Variants in QTMAN observed in about 807,000 individuals in gnomAD.
The protein encoded by QTMAN is queuosine-tRNA mannosyltransferase, also known as tRNA-queuosine alpha-mannosyltransferase.
chr2:144,313,123 G>GAA, the QTMAN span, among the ~76,000 whole-genome samples: 1 of 151,558 alleles, frequency 6.6e-6, no homozygotes, highest in Non-Finnish European at 1.5e-5. Flanking sequence ...TCCTGGGCTG[G>GAA]AAAAAAAAGG....
the QTMAN span, chr2:144,211,412 T>C: frequency 6.6e-6 from 1 of 152,634 alleles, no homozygotes; most frequent in South Asian, 2.1e-4. Context: ...AAAATAACTA[T>C]GTCCTACCAT....
chr2:144,288,850 C>G, the QTMAN span, among the ~76,000 whole-genome samples: 2 of 152,092 alleles, frequency 1.3e-5, no homozygotes, highest in Non-Finnish European at 2.9e-5. Context: ...TACTACACCC[C>G]AAGCCCCTGG....
the QTMAN span, chr2:143,943,857 A>G: frequency 6.6e-6 from 1 of 152,228 alleles, no homozygotes; most frequent in Admixed American, 6.5e-5. Context: ...TATAAATGAG[A>G]AGGTTAAGAA....
chr2:143,963,954 C>T, the QTMAN span: 1 of 152,064 alleles, frequency 6.6e-6, no homozygotes, highest in Non-Finnish European at 1.5e-5. Flanking sequence ...GCTCTGTCTA[C>T]TGAGAATCGA....
chr2:143,966,791 ACAAT>A, the QTMAN span, among the ~76,000 whole-genome samples: 1 of 152,258 alleles, frequency 6.6e-6, no homozygotes, highest in Non-Finnish European at 1.5e-5. Flanking sequence ...TTGCTTGAAA[ACAAT>A]CAACAGTATA....
chr2:144,300,724 CA>C, the QTMAN span, among the ~76,000 whole-genome samples: 1 of 151,988 alleles, frequency 6.6e-6, no homozygotes, highest in East Asian at 1.9e-4. Context: ...ATATGCCAAA[CA>C]CATGCAAGTC....
the QTMAN span, among the ~76,000 whole-genome samples, chr2:144,250,835 T>A: frequency 6.6e-6 from 1 of 151,910 alleles, no homozygotes; most frequent in Non-Finnish European, 1.5e-5. Flanking sequence ...CAAATGTGCT[T>A]ATTAGACACT....
chr2:143,973,614 C>T, the QTMAN span, among the ~76,000 whole-genome samples: 1 of 151,906 alleles, frequency 6.6e-6, no homozygotes. Flanking sequence ...CACGGTGAAA[C>T]CCCGTCTCTA....
At chr2:144,145,718 C>T in the QTMAN span, 1 of 1,610,088 alleles carries the variant, frequency 6.2e-7, no homozygotes. Flanking sequence ...TCAGGTTAAG[C>T]ACTGAACTTG....
chr2:143,976,118 A>G, the QTMAN span, among the ~76,000 whole-genome samples: 1 of 152,164 alleles, frequency 6.6e-6, no homozygotes, highest in Non-Finnish European at 1.5e-5. Flanking sequence ...CACAGAAGAG[A>G]CTGGGTCTGC....
At chr2:144,253,267 A>G in the QTMAN span, among the ~76,000 whole-genome samples, 1 of 152,184 alleles carries the variant, frequency 6.6e-6, no homozygotes, top group Admixed American at 6.5e-5. Flanking sequence ...TCTTTCCTTT[A>G]TAAATTACCC....
the QTMAN span, among the ~76,000 whole-genome samples, chr2:144,271,292 C>A: frequency 6.6e-6 from 1 of 152,162 alleles, no homozygotes; most frequent in African/African-American, 2.4e-5. Context: ...ATTTGAAAAG[C>A]ACTTGAAGTG....
At chr2:144,264,503 C>T in the QTMAN span, among the ~76,000 whole-genome samples, 1 of 152,224 alleles carries the variant, frequency 6.6e-6, no homozygotes, top group African/African-American at 2.4e-5. Context: ...ATTAAAACCA[C>T]ATGGATCAAA....
the QTMAN span, among the ~76,000 whole-genome samples, chr2:144,289,013 G>A: frequency 2.7e-4 from 40 of 147,710 alleles, no homozygotes; most frequent in African/African-American, 9.9e-4. Context: ...AAATATAATT[G>A]TTGGACAAGA....
the QTMAN span, among the ~76,000 whole-genome samples, chr2:144,106,354 G>A: frequency 2.6e-5 from 4 of 152,152 alleles, no homozygotes; most frequent in Non-Finnish European, 4.4e-5. Context: ...CTGCATTCAG[G>A]AGACCCATCT....
the QTMAN span, among the ~76,000 whole-genome samples, chr2:144,166,751 T>TAA: frequency 3.9e-5 from 6 of 152,208 alleles, no homozygotes; most frequent in African/African-American, 1.4e-4. Context: ...GTCAAACTGT[T>TAA]GATTTTGTCT....
chr2:144,310,099 A>G, the QTMAN span, among the ~76,000 whole-genome samples: 1 of 152,230 alleles, frequency 6.6e-6, no homozygotes, highest in African/African-American at 2.4e-5. Context: ...TTGCAGGGAG[A>G]GGGACATTTT....
chr2:144,133,116 A>AATATATATAT, the QTMAN span, among the ~76,000 whole-genome samples: 270 of 41,318 alleles, frequency 6.5e-3, no homozygotes, highest in Non-Finnish European at 8.2e-3. Flanking sequence ...AATGACTGGT[A>AATATATATAT]ATATATATAT....
the QTMAN span, among the ~76,000 whole-genome samples, chr2:144,093,318 C>CTT: frequency 1.2e-4 from 18 of 152,316 alleles, no homozygotes; most frequent in Admixed American, 6.5e-4. Flanking sequence ...CCTGCTGTGA[C>CTT]ATAAAAGAGT....
Sources: gnomAD v4.1 joint callset for allele counts (sites outside exome capture counted in the v4.1 genomes callset) on GRCh38, gnomAD v4.1.1 for gene constraint, MANE v1.5 for transcripts, NCBI Gene and HGNC (gene_info 2026-07-23, HGNC 2026-07-21) for gene names.